Variants in MTMR7 observed in about 807,000 individuals in gnomAD.
MTMR7 encodes myotubularin related protein 7, also known as phosphatidylinositol-3-phosphate phosphatase MTMR7.
MTMR7 carries 76 observed loss-of-function variants against 81.2 expected under a neutral mutation model. That is an observed-to-expected ratio of 0.94 (90% CI 0.78 to 1.13). MTMR7 has a LOEUF of 1.13. Among genes scored for constraint, MTMR7 ranks in the 50% most tolerant of loss-of-function variants. The pLI is 0.00. For synonymous variants in MTMR7, 372 were observed against 289.8 expected, an observed-to-expected ratio of 1.28 and a Z score of -2.88; for missense variants, 1,044 against 820.0, an observed-to-expected ratio of 1.27 and a Z score of -3.34.
chr8:17,311,491 C>T lies in MTMR7; in HGVS notation c.1101+20G>A, dbSNP rs761004870. 8 of 1,613,870 alleles carry T rather than the reference C, an allele frequency of 5.0e-6. No individual in the cohort carries two copies. Among genetic ancestry groups the T allele is most frequent in the East Asian group, 2.2e-5 (1 of 44,876 alleles). On this transcript the variant is annotated intron_variant, in intron 9 of 13. Coordinates refer to ENST00000180173, the MANE Select transcript of MTMR7 (RefSeq NM_004686.5). ...TGGTCAAGGCACCGCCTGTGGGAAT[C>T]GCCCAGTGGCCACACTCACCATGAA...
At chr8:17,328,665 T>G (rs1398984650) in intron 7 of MTMR7, among the ~76,000 whole-genome samples, 4 of 152,136 alleles carry the variant, frequency 2.6e-5, no homozygotes. Flanking sequence ...CAAACCATCA[T>G]GGCACACGTT....
chr8:17,342,057 C>A (rs1217355775), intron 5 of MTMR7, among the ~76,000 whole-genome samples: 1 of 152,134 alleles, frequency 6.6e-6, no homozygotes, highest in Non-Finnish European at 1.5e-5. Context: ...AGGCACATAC[C>A]TGTGCTGACT....
At chr8:17,317,819 C>T (rs941346335) in intron 7 of MTMR7, among the ~76,000 whole-genome samples, 1 of 152,114 alleles carries the variant, frequency 6.6e-6, no homozygotes, top group African/African-American at 2.4e-5. Context: ...TAGTCTGTGG[C>T]ATTACTTATC....
intron 1 of MTMR7, among the ~76,000 whole-genome samples, chr8:17,394,067 G>C (rs1002764996): frequency 2.0e-5 from 3 of 152,190 alleles, no homozygotes; most frequent in Non-Finnish European, 4.4e-5. Context: ...TGAGGATATG[G>C]AGATACTGGA....
chr8:17,344,180 T>C (rs1586223835), intron 5 of MTMR7, among the ~76,000 whole-genome samples: 2 of 152,326 alleles, frequency 1.3e-5, no homozygotes, highest in Admixed American at 1.3e-4. Flanking sequence ...TTAAGTAACA[T>C]ACTCAAAGTC....
At chr8:17,369,946 A>C (rs1820361394) in intron 3 of MTMR7, among the ~76,000 whole-genome samples, 2 of 151,938 alleles carry the variant, frequency 1.3e-5, no homozygotes, top group Non-Finnish European at 1.5e-5. Context: ...CGTCAGGCCG[A>C]GTATATTTCT....
chr8:17,328,687 A>C (rs1489633617), intron 7 of MTMR7, among the ~76,000 whole-genome samples: 1 of 152,182 alleles, frequency 6.6e-6, no homozygotes, highest in East Asian at 1.9e-4. Flanking sequence ...ACTTATGTAC[A>C]TCCTGCACAT....
intron 9 of MTMR7, among the ~76,000 whole-genome samples, chr8:17,310,418 T>C: frequency 6.6e-6 from 1 of 152,200 alleles, no homozygotes; most frequent in East Asian, 1.9e-4. Context: ...AAGTCTGTTC[T>C]TGACAACTCG....
intron 9 of MTMR7, among the ~76,000 whole-genome samples, chr8:17,309,908 G>C (rs1029492871): frequency 6.6e-6 from 1 of 152,178 alleles, no homozygotes; most frequent in Admixed American, 6.5e-5. Flanking sequence ...GCCCTGCTTT[G>C]AAATTAGGGT....
chr8:17,396,994 G>T (rs1182576369), intron 1 of MTMR7, among the ~76,000 whole-genome samples: 1 of 152,006 alleles, frequency 6.6e-6, no homozygotes, highest in Non-Finnish European at 1.5e-5. Context: ...CCTGCCGAAT[G>T]GAAGAGAAGA....
chr8:17,397,261 G>A (rs1014925836), intron 1 of MTMR7, among the ~76,000 whole-genome samples: 4 of 152,154 alleles, frequency 2.6e-5, no homozygotes, highest in Admixed American at 6.5e-5. Context: ...AGAGTATCAC[G>A]TGGTCCCTTG....
chr8:17,333,091 C>T (rs1340205316), intron 6 of MTMR7, among the ~76,000 whole-genome samples: 1 of 152,160 alleles, frequency 6.6e-6, no homozygotes, highest in Non-Finnish European at 1.5e-5. Context: ...GCAGACACCT[C>T]ACATTTCAAT....
intron 7 of MTMR7, among the ~76,000 whole-genome samples, chr8:17,318,781 A>G (rs1188701059): frequency 6.6e-6 from 1 of 152,154 alleles, no homozygotes; most frequent in East Asian, 1.9e-4. Flanking sequence ...TCTGATGGCC[A>G]GTTCTGTGCC....
intron 10 of MTMR7, among the ~76,000 whole-genome samples, chr8:17,308,786 T>C (rs74798053): frequency 0.045 from 6,837 of 152,210 alleles, 199 homozygotes; most frequent in Non-Finnish European, 0.061. Flanking sequence ...ACAGTGAATA[T>C]CATGGCCTGG....
intron 6 of MTMR7, among the ~76,000 whole-genome samples, chr8:17,335,960 C>T (rs1819224116): frequency 6.6e-6 from 1 of 152,086 alleles, no homozygotes; most frequent in Admixed American, 6.6e-5. Flanking sequence ...TATTGTAGGC[C>T]CTATCTGTGT....
At chr8:17,303,994 A>C (rs1208299006) in intron 12 of MTMR7, among the ~76,000 whole-genome samples, 1 of 152,202 alleles carries the variant, frequency 6.6e-6, no homozygotes, top group African/African-American at 2.4e-5. Context: ...TTTGTTGTAT[A>C]ACGGCAAAAA....
chr8:17,403,633 G>A (rs1821491204), intron 1 of MTMR7, among the ~76,000 whole-genome samples: 1 of 151,786 alleles, frequency 6.6e-6, no homozygotes, highest in Non-Finnish European at 1.5e-5. Flanking sequence ...TTTTGATAAG[G>A]ATTGTAAATT....
chr8:17,341,700 CCTGT>C (rs1268786031), intron 5 of MTMR7, among the ~76,000 whole-genome samples: 1 of 152,148 alleles, frequency 6.6e-6, no homozygotes, highest in Admixed American at 6.5e-5. Context: ...ATACAAAGAA[CCTGT>C]CTGTGCAAAA....
intron 3 of MTMR7, 26 bp downstream of exon 3, chr8:17,371,011 T>A: frequency 6.3e-7 from 1 of 1,599,508 alleles, no homozygotes; most frequent in Non-Finnish European, 8.5e-7. Context: ...AGGTTCCATA[T>A]TAAATGCCGA....
Sources: allele counts gnomAD v4.1 joint callset (sites outside exome capture counted in the v4.1 genomes callset), GRCh38; gene constraint gnomAD v4.1.1; transcripts MANE v1.5; gene names NCBI Gene and HGNC (gene_info 2026-07-23, HGNC 2026-07-21).